MAP4K4: variants seen among roughly 807,000 people sequenced by gnomAD.
MAP4K4 encodes the protein mitogen-activated protein kinase kinase kinase kinase 4.
MAP4K4 carries 38 observed loss-of-function variants against 189.6 expected under a neutral mutation model. The observed-to-expected ratio is 0.20, with a 90% CI of 0.15 to 0.26. The LOEUF is 0.26. Ranked by LOEUF, MAP4K4 falls within the 10% of genes least tolerant of loss-of-function variation. MAP4K4 has a pLI of 1.00. For missense variants in MAP4K4, 1,054 were observed against 1,726.9 expected (o/e 0.61, Z 6.91); for synonymous variants, 610 against 624.3 (o/e 0.98, Z 0.34).
At position 101,843,509 on chromosome 2, in the gene MAP4K4, A is replaced by T. The variant is rs146705825; in HGVS notation, c.1023-592A>T. Among the ~76,000 whole-genome samples, 193 of 152,312 alleles carry T rather than the reference A, an allele frequency of 1.3e-3. 1 individual carries two copies. The highest frequency in any genetic ancestry group is 4.5e-3 in the African/African-American group (189 of 41,582). ...GGAGCACTGTATGACGAAAAAGGCAATTTAAGGAGATATGTTTGCCATGCT... is the reference window on the plus strand; with the variant it reads ...GGAGCACTGTATGACGAAAAAGGCATTTTAAGGAGATATGTTTGCCATGCT... On this transcript the variant is annotated intron_variant, in intron 11 of 32. Transcript: ENST00000324219.
At chr2:101,733,088 C>T (rs1387158153) in intron 2 of MAP4K4, among the ~76,000 whole-genome samples, 1 of 152,242 alleles carries the variant, frequency 6.6e-6, no homozygotes, top group Non-Finnish European at 1.5e-5. Context: ...AATGACCTAC[C>T]TGTGTTGTGA....
At chr2:101,881,845 G>T (rs1433501157) in intron 27 of MAP4K4, among the ~76,000 whole-genome samples, 2 of 151,638 alleles carry the variant, frequency 1.3e-5, no homozygotes, top group Non-Finnish European at 2.9e-5. Context: ...CATCATTTTT[G>T]TTGTTGTTGC....
intron 2 of MAP4K4, among the ~76,000 whole-genome samples, chr2:101,738,013 T>C (rs1474630321): frequency 6.6e-6 from 1 of 152,152 alleles, no homozygotes; most frequent in African/African-American, 2.4e-5. Context: ...TCATATGGCT[T>C]GTAGGTGGCA....
At chr2:101,797,149 A>G (rs2093783622) in intron 3 of MAP4K4, 4 of 1,065,108 alleles carry the variant, frequency 3.8e-6, no homozygotes, top group Non-Finnish European at 4.9e-6. Flanking sequence ...GCACAATGTA[A>G]TGAATGTGTT....
At chr2:101,765,586 A>G (rs1197658846) in intron 2 of MAP4K4, among the ~76,000 whole-genome samples, 1 of 152,102 alleles carries the variant, frequency 6.6e-6, no homozygotes, top group Non-Finnish European at 1.5e-5. Context: ...CAGCCTCCCA[A>G]AGTGCTGGGA....
intron 9 of MAP4K4, among the ~76,000 whole-genome samples, chr2:101,838,575 C>T (rs6742600): frequency 0.067 from 10,276 of 152,248 alleles, 453 homozygotes; most frequent in African/African-American, 0.12. Context: ...TCAAGTATCC[C>T]ACTTTTTCTT....
At chr2:101,705,536 A>G (rs1409842104) in intron 2 of MAP4K4, among the ~76,000 whole-genome samples, 5 of 152,248 alleles carry the variant, frequency 3.3e-5, no homozygotes, top group Non-Finnish European at 5.9e-5. Context: ...GAAAAGTGAA[A>G]TGAAAAGGTA....
chr2:101,861,805 T>C (rs1447063212), intron 16 of MAP4K4: 2 of 152,174 alleles, frequency 1.3e-5, no homozygotes, highest in Non-Finnish European at 2.9e-5. Context: ...CGCTTGCCAC[T>C]CTGTAATCCA....
chr2:101,822,944 C>T (rs1288740077), intron 3 of MAP4K4, among the ~76,000 whole-genome samples: 1 of 152,138 alleles, frequency 6.6e-6, no homozygotes, highest in Non-Finnish European at 1.5e-5. Flanking sequence ...TTTCCCTTTC[C>T]TGCACAGTTT....
chr2:101,822,866 G>A (rs2096151371), intron 3 of MAP4K4, among the ~76,000 whole-genome samples: 1 of 152,128 alleles, frequency 6.6e-6, no homozygotes, highest in African/African-American at 2.4e-5. Context: ...TGCAGTATAG[G>A]GGATTCTAGA....
chr2:101,787,524 G>T (rs926603024), intron 2 of MAP4K4, among the ~76,000 whole-genome samples: 1 of 152,200 alleles, frequency 6.6e-6, no homozygotes, highest in Admixed American at 6.5e-5. Flanking sequence ...CCCAGCTAGC[G>T]CAGGCTTAAG....
chr2:101,734,369 A>G (rs1362044743), intron 2 of MAP4K4, among the ~76,000 whole-genome samples: 1 of 152,262 alleles, frequency 6.6e-6, no homozygotes, highest in Non-Finnish European at 1.5e-5. Context: ...AAAGTCTCAC[A>G]GATAAATCCA....
chr2:101,887,219 C>T, exon 30 of MAP4K4: 1 of 1,611,832 alleles, frequency 6.2e-7, no homozygotes, highest in Non-Finnish European at 8.5e-7. Flanking sequence ...CAGTCTATGA[C>T]ATTTATCTAC....
intron 3 of MAP4K4, among the ~76,000 whole-genome samples, chr2:101,797,891 T>G (rs77837154): frequency 0.02 from 181 of 8,942 alleles, 15 homozygotes; most frequent in African/African-American, 0.083. Context: ...TTCTTTTAGT[T>G]TTTTTTTTTT....
At position 101,864,926 on chromosome 2, in the gene MAP4K4, A is replaced by G. The variant is rs773166208; in HGVS notation, c.2098-4A>G. ...AATTTAATTGCTATATTTTCTACTT[A>G]AAGGTTCCTGTGAGAACAACATCTC... On this transcript the variant is annotated splice_polypyrimidine_tract_variant and splice_region_variant and intron_variant, in intron 17 of 32. Transcript: ENST00000324219. 6.5e-7 allele frequency: 1 copy of G among 1,543,110 alleles called. No homozygotes were observed. The highest frequency in any genetic ancestry group is 1.2e-5 in the South Asian group (1 of 82,792).
At chr2:101,701,863 A>C (rs2038991984) in intron 2 of MAP4K4, among the ~76,000 whole-genome samples, 1 of 139,902 alleles carries the variant, frequency 7.1e-6, no homozygotes, top group African/African-American at 2.5e-5. Context: ...GTTATTTTGG[A>C]TTTTATTGTT....
intron 2 of MAP4K4, among the ~76,000 whole-genome samples, chr2:101,786,709 G>A (rs4616501): frequency 0.75 from 114,563 of 152,100 alleles, 43,604 homozygotes; most frequent in African/African-American, 0.88. Context: ...CACTGTGGAA[G>A]GGGGATCCTG....
chr2:101,795,214 T>C (rs1040619117), intron 3 of MAP4K4, among the ~76,000 whole-genome samples: 1 of 152,220 alleles, frequency 6.6e-6, no homozygotes, highest in African/African-American at 2.4e-5. Flanking sequence ...GGTGATACTT[T>C]GGCACTGTGT....
At chr2:101,795,413 T>G (rs2093584021) in intron 3 of MAP4K4, among the ~76,000 whole-genome samples, 1 of 152,240 alleles carries the variant, frequency 6.6e-6, no homozygotes, top group Non-Finnish European at 1.5e-5. Flanking sequence ...GATATTCCTG[T>G]GGACATGAGT....
Sources: allele counts gnomAD v4.1 joint callset (sites outside exome capture counted in the v4.1 genomes callset), GRCh38; gene constraint gnomAD v4.1.1; transcripts MANE v1.5; gene names NCBI Gene and HGNC (gene_info 2026-07-23, HGNC 2026-07-21).